Variants in BARX2 observed in about 807,000 individuals in gnomAD.
BARX2 encodes BARX homeobox 2, also known as homeobox protein BarH-like 2.
Under a neutral mutation model 25.5 loss-of-function variants are expected in BARX2, and 11 were observed. That is an observed-to-expected ratio of 0.43 (90% CI 0.27 to 0.71). BARX2 has a LOEUF of 0.71. BARX2 is among the 30% of genes least tolerant of loss of function. BARX2 has a pLI of 0.19. For missense variants in BARX2, 360 were observed against 359.9 expected (o/e 1.00, Z 0.00); for synonymous variants, 137 against 149.5 (o/e 0.92, Z 0.61).
chr11:129,413,541 G>A (rs529743905), intron 1 of BARX2, among the ~76,000 whole-genome samples: 3 of 152,258 alleles, frequency 2.0e-5, no homozygotes, highest in Non-Finnish European at 2.9e-5. Flanking sequence ...TTTTCTGGAC[G>A]CTGGAGAGTC....
upstream of BARX2, among the ~76,000 whole-genome samples, chr11:129,375,542 C>T (rs1401061515): frequency 6.6e-6 from 1 of 151,982 alleles, no homozygotes; most frequent in Non-Finnish European, 1.5e-5. This position sits in a 1 kb window ranked among gnomAD's most constrained non-coding sequence, Gnocchi z 4.0. Flanking sequence ...GTGCGCGCTC[C>T]CCGCACCGCG....
At chr11:129,381,453 TA>T (rs1394284338) in intron 1 of BARX2, among the ~76,000 whole-genome samples, 1 of 152,148 alleles carries the variant, frequency 6.6e-6, no homozygotes, top group East Asian at 1.9e-4. Context: ...GGAATTGGGA[TA>T]GGGGAACATC....
chr11:129,423,339 A>T (rs1862027952), intron 1 of BARX2, among the ~76,000 whole-genome samples: 1 of 150,380 alleles, frequency 6.6e-6, no homozygotes, highest in Non-Finnish European at 1.5e-5. Flanking sequence ...CTGGTCTCGA[A>T]CTCCTGACCC....
chr11:129,450,182 C>T (rs1003720461), intron 3 of BARX2, among the ~76,000 whole-genome samples: 8 of 152,192 alleles, frequency 5.3e-5, no homozygotes, highest in African/African-American at 1.7e-4. Context: ...TTTCTACTAT[C>T]AAAGCCAAAA....
intron 1 of BARX2, among the ~76,000 whole-genome samples, chr11:129,429,183 A>C (rs1013480145): frequency 6.6e-6 from 1 of 152,148 alleles, no homozygotes; most frequent in South Asian, 2.1e-4. Flanking sequence ...GTGTAACTCT[A>C]ATCAAGTTTT....
At chr11:129,379,779 T>C (rs1352894584) in intron 1 of BARX2, among the ~76,000 whole-genome samples, 2 of 128,796 alleles carry the variant, frequency 1.6e-5, no homozygotes, top group Non-Finnish European at 3.4e-5. Flanking sequence ...CCTATGGTAC[T>C]AATTACTTTT....
chr11:129,380,922 G>A lies in BARX2; in HGVS notation c.187+4700G>A, dbSNP rs1168667130. 4.0e-5 allele frequency among the ~76,000 whole-genome samples: 6 copies of A among 151,544 alleles called. No individual in the cohort carries two copies. The East Asian group carries it at 5.9e-4, about 15-fold the overall frequency. On this transcript the variant is annotated intron_variant, in intron 1 of 3. Transcript: ENST00000281437. ...CTCCTGAGTAGCTGGGATTACAGGC[G>A]CCCATGACCACACCCAGCTAATTTT... is the stretch of plus-strand genomic sequence containing the variant.
intron 1 of BARX2, among the ~76,000 whole-genome samples, chr11:129,380,921 C>T (rs781292440): frequency 1.6e-4 from 25 of 151,858 alleles, no homozygotes; most frequent in African/African-American, 5.8e-4. Flanking sequence ...GGATTACAGG[C>T]GCCCATGACC....
intron 3 of BARX2, among the ~76,000 whole-genome samples, chr11:129,446,737 G>A (rs1304823157): frequency 1.3e-5 from 2 of 152,116 alleles, no homozygotes; most frequent in Non-Finnish European, 2.9e-5. Flanking sequence ...CAGCGCCTTG[G>A]CATTTGGGGC....
At chr11:129,437,438 C>G in intron 2 of BARX2, 1 of 1,000,410 alleles carries the variant, frequency 1.0e-6, no homozygotes, top group Non-Finnish European at 1.2e-6. Flanking sequence ...GATTCATGAT[C>G]TTCTCAATCT....
intron 3 of BARX2, among the ~76,000 whole-genome samples, chr11:129,445,999 T>C (rs1862323295): frequency 6.6e-6 from 1 of 152,214 alleles, no homozygotes. Flanking sequence ...CTCAGACTTA[T>C]TCACATGGCT....
chr11:129,400,144 C>G (rs1328804970), intron 1 of BARX2, among the ~76,000 whole-genome samples: 2 of 152,192 alleles, frequency 1.3e-5, no homozygotes, highest in African/African-American at 4.8e-5. Context: ...AAGTTTAACT[C>G]AGCTCTGAAA....
intron 1 of BARX2, among the ~76,000 whole-genome samples, chr11:129,379,539 G>A (rs1313687744): frequency 6.6e-6 from 1 of 152,010 alleles, no homozygotes; most frequent in Non-Finnish European, 1.5e-5. Context: ...TGTGATTAAT[G>A]TTTCTTGGTG....
intron 1 of BARX2, among the ~76,000 whole-genome samples, chr11:129,387,838 C>T (rs577375376): frequency 3.3e-5 from 5 of 152,148 alleles, no homozygotes; most frequent in African/African-American, 1.2e-4. Context: ...ATGGCAACCA[C>T]GTGCCCGGCA....
intron 2 of BARX2, among the ~76,000 whole-genome samples, chr11:129,438,578 G>GGAGT (rs1172502089): frequency 6.6e-6 from 1 of 152,190 alleles, no homozygotes; most frequent in Non-Finnish European, 1.5e-5. Flanking sequence ...AAGTGACAGA[G>GGAGT]GAGTCTGCAT....
intron 1 of BARX2, among the ~76,000 whole-genome samples, chr11:129,412,559 C>T (rs1406036995): frequency 6.6e-6 from 1 of 152,224 alleles, no homozygotes; most frequent in Non-Finnish European, 1.5e-5. Flanking sequence ...AGGCAGTCTG[C>T]ACTCACATTG....
chr11:129,399,721 AC>A (rs1249566717), intron 1 of BARX2, among the ~76,000 whole-genome samples: 1 of 151,922 alleles, frequency 6.6e-6, no homozygotes, highest in Non-Finnish European at 1.5e-5. Flanking sequence ...AGTCACTTAT[AC>A]CCCCTTTTAA....
At chr11:129,441,593 T>TA (rs1463426134) in intron 2 of BARX2, among the ~76,000 whole-genome samples, 1 of 151,984 alleles carries the variant, frequency 6.6e-6, no homozygotes, top group African/African-American at 2.4e-5. Context: ...GGATTACAGG[T>TA]ACCTGCCACC....
intron 1 of BARX2, among the ~76,000 whole-genome samples, chr11:129,392,860 C>T (rs1247335917): frequency 6.6e-6 from 1 of 152,152 alleles, no homozygotes; most frequent in East Asian, 1.9e-4. Flanking sequence ...ATCCACTTGC[C>T]TCAGCCTCCC....
Sources: allele counts gnomAD v4.1 joint callset (sites outside exome capture counted in the v4.1 genomes callset), GRCh38; gene constraint gnomAD v4.1.1; non-coding constraint Gnocchi (gnomAD v3.1); transcripts MANE v1.5; gene names NCBI Gene and HGNC (gene_info 2026-07-23, HGNC 2026-07-21).